Variants in MGAT4C observed in about 807,000 individuals in gnomAD.
MGAT4C encodes alpha-1,3-mannosyl-glycoprotein 4-beta-N-acetylglucosaminyltransferase C.
Under a neutral mutation model 40.1 loss-of-function variants are expected in MGAT4C, and 19 were observed. The observed-to-expected ratio is 0.47, with a 90% confidence interval of 0.33 to 0.70. The LOEUF (loss-of-function observed/expected upper bound fraction) is 0.70. Among genes scored for constraint, MGAT4C ranks in the 30% least tolerant of loss-of-function variants. The pLI is 0.02. For missense variants in MGAT4C, 491 were observed against 563.2 expected, an observed-to-expected ratio of 0.87 and a Z score of 1.30; for synonymous variants, 181 against 187.1, an observed-to-expected ratio of 0.97 and a Z score of 0.27.
At chr12:86,096,111 C>A (rs1873863551) in intron 1 of MGAT4C, among the ~76,000 whole-genome samples, 1 of 151,536 alleles carries the variant, frequency 6.6e-6, no homozygotes, top group Admixed American at 6.6e-5. Flanking sequence ...TTGTTTCTGG[C>A]AAAAAGAAAT....
chr12:86,322,770 A>G (rs1188612360), intron 4 of MGAT4C, among the ~76,000 whole-genome samples: 2 of 152,034 alleles, frequency 1.3e-5, no homozygotes, highest in Non-Finnish European at 2.9e-5. Flanking sequence ...GTGTTCATAT[A>G]TGAGTCATAG....
At position 86,562,741 on chromosome 12, in the gene MGAT4C, T is replaced by C. The variant is rs540161750; in HGVS notation, c.-228-127476A>G. On this transcript the variant is annotated intron_variant, in intron 2 of 7. Transcript: ENST00000548651. ...CACTCCAAAACAACTGCTTGAGTTTTCTAATTTATATAAGCAGAAATCTGG... is the reference window on the plus strand; with the variant it reads ...CACTCCAAAACAACTGCTTGAGTTTCCTAATTTATATAAGCAGAAATCTGG... Among the ~76,000 whole-genome samples, 4 of 152,186 alleles carry C rather than the reference T, an allele frequency of 2.6e-5. No individual in the cohort carries two copies. In the East Asian group the frequency reaches 7.8e-4, roughly 30 times the overall value.
At chr12:86,313,011 G>A (rs1481008526) in intron 4 of MGAT4C, among the ~76,000 whole-genome samples, 3 of 152,102 alleles carry the variant, frequency 2.0e-5, no homozygotes, top group Admixed American at 2.0e-4. Flanking sequence ...ATTTTAGTGT[G>A]CATAAAATGG....
Position 86,075,963 on chromosome 12 carries a change from C to A in MGAT4C, c.-56-26240G>T, listed in dbSNP as rs1046775254. Among the ~76,000 whole-genome samples the A allele has an allele frequency of 3.3e-5, 5 of 152,168 alleles. No individual in the cohort carries two copies. In the East Asian group the frequency reaches 7.7e-4, roughly 23 times the overall value. On this transcript the variant is annotated intron_variant, in intron 1 of 4. Coordinates refer to ENST00000611864, the MANE Select transcript of MGAT4C (RefSeq NM_001351288.2). ...AACATTGGGCTCCTTGCTACTTATG[C>A]AAATTTCTGCAGTCAGCTGAATTTC...
At chr12:86,011,186 T>C (rs1274798136) in intron 2 of MGAT4C, among the ~76,000 whole-genome samples, 4 of 152,144 alleles carry the variant, frequency 2.6e-5, no homozygotes, top group Non-Finnish European at 5.9e-5. Flanking sequence ...TTCCTAATAA[T>C]AGGGGCCTTT....
At chr12:86,794,365 ATATTT>A (rs752627348) in intron 1 of MGAT4C, among the ~76,000 whole-genome samples, 22 of 151,922 alleles carry the variant, frequency 1.4e-4, no homozygotes, top group Non-Finnish European at 2.1e-4. Flanking sequence ...ACTTTTAGAA[ATATTT>A]TATTTTATTT....
intron 2 of MGAT4C, among the ~76,000 whole-genome samples, chr12:86,676,454 C>T (rs1046094118): frequency 6.6e-6 from 1 of 152,084 alleles, no homozygotes; most frequent in Non-Finnish European, 1.5e-5. Context: ...AAAACAAAAA[C>T]ATACACATAA....
chr12:86,620,767 A>C (rs1169307527), intron 2 of MGAT4C, among the ~76,000 whole-genome samples: 1 of 152,174 alleles, frequency 6.6e-6, no homozygotes, highest in Non-Finnish European at 1.5e-5. Context: ...TGATTGAATC[A>C]TGGAGGCAGA....
intron 1 of MGAT4C, among the ~76,000 whole-genome samples, chr12:86,804,355 A>G (rs998815174): frequency 3.3e-5 from 5 of 149,618 alleles, no homozygotes; most frequent in Admixed American, 2.0e-4. Context: ...AGCACGGCAC[A>G]TGTATACATA....
chr12:86,264,457 C>G (rs919466597), intron 4 of MGAT4C, among the ~76,000 whole-genome samples: 1 of 152,130 alleles, frequency 6.6e-6, no homozygotes, highest in African/African-American at 2.4e-5. Flanking sequence ...TGCGAAGACG[C>G]GGGCTGCAGC....
At chr12:86,209,633 C>A (rs1416683186) in intron 1 of MGAT4C, among the ~76,000 whole-genome samples, 1 of 152,078 alleles carries the variant, frequency 6.6e-6, no homozygotes, top group African/African-American at 2.4e-5. Flanking sequence ...CATTTCTCAA[C>A]ATGATTTTAA....
chr12:86,838,101 A>G (rs1042543736), intron 1 of MGAT4C, among the ~76,000 whole-genome samples: 1 of 152,188 alleles, frequency 6.6e-6, no homozygotes, highest in Non-Finnish European at 1.5e-5. Flanking sequence ...TTCAAACTCA[A>G]AAATAGATAT....
At chr12:86,304,074 G>C (rs1162003665) in intron 4 of MGAT4C, among the ~76,000 whole-genome samples, 1 of 150,636 alleles carries the variant, frequency 6.6e-6, no homozygotes, top group Admixed American at 6.6e-5. Flanking sequence ...TTTCAGTACT[G>C]TTAGCAGTTT....
intron 3 of MGAT4C, among the ~76,000 whole-genome samples, chr12:86,344,521 T>A (rs1366418065): frequency 6.6e-6 from 1 of 152,192 alleles, no homozygotes; most frequent in African/African-American, 2.4e-5. Flanking sequence ...TTATATGAAA[T>A]TAAATTATCT....
rs534840495 is a variant in MGAT4C at position 86,049,914 on chromosome 12, C to T, written c.-56-191G>A. 3.3e-5 allele frequency among the ~76,000 whole-genome samples: 5 copies of T among 151,906 alleles called. No homozygotes were observed. In the East Asian group the frequency reaches 9.6e-4, roughly 29 times the overall value. The stretch of plus-strand genomic sequence containing the variant: ...TTTTAACATAATTTATCTGTGTATG[C>T]ATGTCACAGAATAGACATACCTTTG... On this transcript the variant is annotated intron_variant, in intron 1 of 4. Coordinates refer to ENST00000611864, the MANE Select transcript of MGAT4C (RefSeq NM_001351288.2).
At chr12:86,574,380 C>T (rs1366666661) in intron 2 of MGAT4C, among the ~76,000 whole-genome samples, 8 of 151,912 alleles carry the variant, frequency 5.3e-5, no homozygotes, top group Middle Eastern at 3.4e-3. Flanking sequence ...GGGCCCCAGA[C>T]ATCACAGATA....
intron 1 of MGAT4C, among the ~76,000 whole-genome samples, chr12:86,126,869 A>G (rs1222560938): frequency 1.3e-5 from 2 of 152,162 alleles, no homozygotes; most frequent in Non-Finnish European, 2.9e-5. Flanking sequence ...CAATTTTTCA[A>G]TGGACGGATA....
intron 4 of MGAT4C, among the ~76,000 whole-genome samples, chr12:86,285,339 A>T (rs1487271939): frequency 1.3e-5 from 2 of 152,062 alleles, no homozygotes; most frequent in East Asian, 3.8e-4. Context: ...AAGAGCAGGG[A>T]TGTTGACTAT....
At chr12:86,687,401 C>T (rs1950092888) in intron 2 of MGAT4C, among the ~76,000 whole-genome samples, 1 of 151,366 alleles carries the variant, frequency 6.6e-6, no homozygotes, top group Non-Finnish European at 1.5e-5. Context: ...TTTGCTCTTG[C>T]TTCTCTAGTT....
Sources: allele counts gnomAD v4.1 joint callset (sites outside exome capture counted in the v4.1 genomes callset), GRCh38; gene constraint gnomAD v4.1.1; transcripts MANE v1.5; gene names NCBI Gene and HGNC (gene_info 2026-07-23, HGNC 2026-07-21).